Variants in DLG2 observed in about 807,000 individuals in gnomAD.
DLG2 encodes disks large homolog 2.
A neutral mutation model predicts 132.5 loss-of-function variants in DLG2; 45 were observed. That is an observed-to-expected ratio of 0.34 (90% CI 0.27 to 0.44). The LOEUF (loss-of-function observed/expected upper bound fraction) is 0.44. Ranked by LOEUF, DLG2 falls within the 20% of genes least tolerant of loss-of-function variation. The pLI is 1.00. For synonymous variants in DLG2, 424 were observed against 419.6 expected, an observed-to-expected ratio of 1.01 and a Z score of -0.13; for missense variants, 1,045 against 1,196.9, an observed-to-expected ratio of 0.87 and a Z score of 1.87.
intron 3 of DLG2, among the ~76,000 whole-genome samples, chr11:85,346,002 G>A (rs1236725392): frequency 6.6e-6 from 1 of 151,932 alleles, no homozygotes; most frequent in East Asian, 1.9e-4. Flanking sequence ...AATTCAGGGC[G>A]AGTCCACAGT....
At position 85,208,514 on chromosome 11, in the gene DLG2, G is replaced by A. The variant is rs192911374; in HGVS notation, c.187-53863C>T. On this transcript the variant is annotated intron_variant, in intron 4 of 27. Coordinates refer to ENST00000376104, the MANE Select transcript of DLG2 (RefSeq NM_001142699.3). The stretch of plus-strand genomic sequence containing the variant: ...GACAAAGACCTTCTATTGTAACTAA[G>A]CATTTTAGAACACAGTTTTGCAACT... 1.3e-4 allele frequency among the ~76,000 whole-genome samples: 20 copies of A among 151,952 alleles called. No individual in the cohort carries two copies. The East Asian group carries it at 1.7e-3, about 13-fold the overall frequency.
intron 18 of DLG2, among the ~76,000 whole-genome samples, chr11:83,701,412 C>T (rs2082915679): frequency 6.6e-6 from 1 of 152,120 alleles, no homozygotes; most frequent in Non-Finnish European, 1.5e-5. Context: ...AATATTAGCC[C>T]TGATCATAAA....
Position 85,170,605 on chromosome 11 carries a change from A to G in DLG2, c.187-15954T>C, listed in dbSNP as rs376911872. Among the ~76,000 whole-genome samples the G allele has an allele frequency of 5.9e-5, 9 of 152,334 alleles. No homozygotes were observed. In the East Asian group the frequency reaches 1.5e-3, roughly 26 times the overall value. ...TTTGAGGTATCATGTTCTGAGCCCA[A>G]CACTACAAAATTCAAGTTAGGAAGG... On this transcript the variant is annotated intron_variant, in intron 4 of 27. Coordinates refer to ENST00000376104, the MANE Select transcript of DLG2 (RefSeq NM_001142699.3).
chr11:84,238,081 AAAAG>A (rs1398557498), intron 8 of DLG2, among the ~76,000 whole-genome samples: 5 of 151,704 alleles, frequency 3.3e-5, no homozygotes, highest in Admixed American at 2.6e-4. Context: ...AAAGAAAAGA[AAAAG>A]AAAGACACTA....
At chr11:85,058,604 A>C (rs1431789582) in intron 6 of DLG2, among the ~76,000 whole-genome samples, 1 of 151,520 alleles carries the variant, frequency 6.6e-6, no homozygotes, top group Non-Finnish European at 1.5e-5. Context: ...AGAAATATCA[A>C]ATTGTAGGAC....
intron 18 of DLG2, among the ~76,000 whole-genome samples, chr11:83,685,568 T>C (rs2079590997): frequency 6.6e-6 from 1 of 152,140 alleles, no homozygotes; most frequent in African/African-American, 2.4e-5. Context: ...GCTTCTCTGC[T>C]TTCTGATATT....
At chr11:83,789,395 C>G (rs1156786812) in intron 17 of DLG2, among the ~76,000 whole-genome samples, 2 of 151,922 alleles carry the variant, frequency 1.3e-5, no homozygotes, top group African/African-American at 4.8e-5. Context: ...GGGGGGGCAG[C>G]ATTGAGGAGA....
rs570918010 is a variant in DLG2 at position 84,458,057 on chromosome 11, T to G, written c.519+76513A>C. Among the ~76,000 whole-genome samples, 6 of 150,950 alleles carry G rather than the reference T, an allele frequency of 4.0e-5. No individual in the cohort carries two copies. In the East Asian group the frequency reaches 1.2e-3, roughly 29 times the overall value. On this transcript the variant is annotated intron_variant, in intron 7 of 27. Transcript: ENST00000376104. ...TGCTTTCTGTATACAGGTACAGATA[T>G]AGACGCAGATGTAGATATAAATGTA...
At position 83,457,166 on chromosome 11, in the gene DLG2, CAA is replaced by C. The variant is rs2089147583; in HGVS notation, c.*2650_*2651del. The C allele has an allele frequency of 6.6e-6, 1 of 152,590 alleles. No homozygotes were observed. Among genetic ancestry groups the C allele is most frequent in the Admixed American group, 6.5e-5 (1 of 15,274 alleles). The allele number at this position is 152,590 out of a possible 1,614,324, so 9.5% of individuals were successfully genotyped here. ...CCTTCAGGTTGGAGAGAGCTCTGGA[CAA>C]AGTTTGCAGTGTTAGCACCAGTCTG... On this transcript the variant is annotated 3_prime_UTR_variant, in exon 28 of 28. Coordinates refer to ENST00000376104, the MANE Select transcript of DLG2 (RefSeq NM_001142699.3).
chr11:83,808,597 C>T (rs2153957590), intron 17 of DLG2, among the ~76,000 whole-genome samples: 1 of 152,316 alleles, frequency 6.6e-6, no homozygotes, highest in Admixed American at 6.5e-5. Flanking sequence ...CTGTTCTTGG[C>T]ACGAGGAGTT....
chr11:84,384,757 ATGTT>A (rs2098762394), intron 7 of DLG2, among the ~76,000 whole-genome samples: 1 of 151,900 alleles, frequency 6.6e-6, no homozygotes, highest in Admixed American at 6.6e-5. Context: ...AACCTAAGAC[ATGTT>A]GTTCCAGTAA....
intron 8 of DLG2, among the ~76,000 whole-genome samples, chr11:84,234,448 G>A (rs899189753): frequency 3.9e-5 from 6 of 152,184 alleles, no homozygotes; most frequent in East Asian, 1.9e-4. Context: ...ACGAAAGTGC[G>A]TTGGTTCAGG....
intron 6 of DLG2, among the ~76,000 whole-genome samples, chr11:84,759,433 T>TA (rs2067306889): frequency 1.3e-5 from 2 of 152,206 alleles, no homozygotes; most frequent in Non-Finnish European, 2.9e-5. Flanking sequence ...CTAGTGATGA[T>TA]AAATACTATT....
chr11:84,204,119 G>A (rs752193534), intron 8 of DLG2, among the ~76,000 whole-genome samples: 80 of 151,926 alleles, frequency 5.3e-4, no homozygotes, highest in African/African-American at 1.8e-3. Flanking sequence ...CACCATGCCC[G>A]GCTAATTTTG....
rs137990242 is a variant in DLG2 at position 85,036,772 on chromosome 11, C to A, written c.357+74889G>T. ...TCTTTACATGGCTTATATAAAACAG[C>A]AGTTCTATTTTGGCTTGATTTTCTG... is the stretch of plus-strand genomic sequence containing the variant. On this transcript the variant is annotated intron_variant, in intron 6 of 27. Transcript: ENST00000376104. 4.2e-3 allele frequency among the ~76,000 whole-genome samples: 646 copies of A among 152,232 alleles called. 3 individuals carry two copies. Among genetic ancestry groups the A allele is most frequent in the African/African-American group, 0.014 (584 of 41,554 alleles).
intron 21 of DLG2, among the ~76,000 whole-genome samples, chr11:83,503,829 G>A (rs967453110): frequency 6.6e-6 from 1 of 151,976 alleles, no homozygotes; most frequent in African/African-American, 2.4e-5. Context: ...CAATCAAGTT[G>A]ACACTCAGTA....
intron 7 of DLG2, among the ~76,000 whole-genome samples, chr11:84,530,613 G>A (rs1315652537): frequency 2.6e-5 from 4 of 152,094 alleles, no homozygotes; most frequent in Admixed American, 2.0e-4. Flanking sequence ...TTTATAAAAC[G>A]TCAAAAAATA....
chr11:85,473,952 G>C (rs912047890), intron 3 of DLG2, among the ~76,000 whole-genome samples: 1 of 151,790 alleles, frequency 6.6e-6, no homozygotes, highest in African/African-American at 2.4e-5. Flanking sequence ...CACAAAAGAC[G>C]ATAGAAATAA....
chr11:83,857,490 C>T lies in DLG2; in HGVS notation c.1565+16930G>A, dbSNP rs144037723. On this transcript the variant is annotated intron_variant, in intron 16 of 27. Coordinates refer to ENST00000376104, the MANE Select transcript of DLG2 (RefSeq NM_001142699.3). ...ATTTGTTTGTGTCATCTCTGAGAAC[C>T]CTGGTAAGATACTTAACAAGAAGAT... is the stretch of plus-strand genomic sequence containing the variant. 7.0e-4 allele frequency among the ~76,000 whole-genome samples: 107 copies of T among 152,066 alleles called. 1 individual carries two copies. Among genetic ancestry groups the T allele is most frequent in the African/African-American group, 2.4e-3 (100 of 41,490 alleles).
Sources: allele counts gnomAD v4.1 joint callset (sites outside exome capture counted in the v4.1 genomes callset), GRCh38; gene constraint gnomAD v4.1.1; transcripts MANE v1.5; gene names NCBI Gene and HGNC (gene_info 2026-07-23, HGNC 2026-07-21).